PCDHGB5: variants seen among roughly 807,000 people sequenced by gnomAD.
PCDHGB5 encodes protocadherin gamma subfamily B, 5.
A neutral mutation model predicts 62.9 loss-of-function variants in PCDHGB5; 48 were observed. The observed-to-expected ratio is 0.76, with a 90% confidence interval of 0.61 to 0.97. The LOEUF is 0.97. PCDHGB5 is among the 50% of genes least tolerant of loss of function. The pLI is 0.00. For missense variants in PCDHGB5, 1,118 were observed against 1,198.6 expected (o/e 0.93, Z 0.99); for synonymous variants, 474 against 511.2 (o/e 0.93, Z 0.98).
intron 1 of PCDHGB5, chr5:141,413,675 G>C (rs773300658): frequency 6.2e-7 from 1 of 1,613,826 alleles, no homozygotes; most frequent in Non-Finnish European, 8.5e-7. Context: ...CCGGATGTGG[G>C]CGTGAACTCC....
At position 141,399,913 on chromosome 5, in the gene PCDHGB5, C is replaced by T; in HGVS notation, c.1786C>T (p.His596Tyr). The T allele has an allele frequency of 2.5e-6, 4 of 1,612,372 alleles. No individual in the cohort carries two copies. The highest frequency in any genetic ancestry group is 3.4e-6 in the Non-Finnish European group (4 of 1,179,738). ...AGTGGCCGTGGACGCAGACTCAGGA[C>T]ACAACGCCTGGCTGTCCTACCACGT... The part of the protein sequence containing the change: ...KVVAVDADSG[H>Y]NAWLSYHVLQ... Residue 596 changes from histidine to tyrosine, a missense_variant, in exon 1 of 4, where the codon CAC becomes TAC. His to Tyr is a moderately conservative substitution (Grantham distance 83, BLOSUM62 2). Coordinates refer to ENST00000617380, the MANE Select transcript of PCDHGB5 (RefSeq NM_018925.3).
At position 141,491,121 on chromosome 5, in the gene PCDHGB5, G is replaced by T. The variant is rs1176877834; in HGVS notation, c.2398-3686G>T. On this transcript the variant is annotated intron_variant, in intron 1 of 3. Transcript: ENST00000617380. The surrounding 1 kb of genome is among the most constrained non-coding windows in gnomAD (Gnocchi z 6.9). ...TCCTCGTGTCTACACACACTGGTGA[G>T]GTGCGCACAGCCCGGGCCTTACTGG... 5 of 1,614,200 alleles carry T rather than the reference G, an allele frequency of 3.1e-6. No individual in the cohort carries two copies. In the South Asian group the frequency reaches 5.5e-5, roughly 18 times the overall value.
At position 141,419,228 on chromosome 5, in the gene PCDHGB5, T is replaced by G. The variant is rs761014077; in HGVS notation, c.2397+18704T>G. The G allele has an allele frequency of 2.5e-6, 4 of 1,613,874 alleles. No individual in the cohort carries two copies. The East Asian group carries it at 8.9e-5, about 36-fold the overall frequency. On this transcript the variant is annotated intron_variant, in intron 1 of 3. Coordinates refer to ENST00000617380, the MANE Select transcript of PCDHGB5 (RefSeq NM_018925.3). Reference sequence around the variant, plus strand: ...CGCGCCGGTTTTCGGACAGTCAGCCTACCTGGTCCACGTGCCAGAAAACAA... The same window carrying G: ...CGCGCCGGTTTTCGGACAGTCAGCCGACCTGGTCCACGTGCCAGAAAACAA...
rs779872602 is a variant in PCDHGB5 at position 141,398,813 on chromosome 5, G to A, written c.686G>A (p.Arg229Gln). 11 of 1,613,838 alleles carry A rather than the reference G, an allele frequency of 6.8e-6. No homozygotes were observed. Among genetic ancestry groups the A allele is most frequent in the Admixed American group, 3.3e-5 (2 of 60,006 alleles). ...CCCCTAAGCGGCACCACTGAGCTCC[G>A]GATCCAGGTAACCGACGCCAATGAT... ...HPPLSGTTEL[R>Q]IQVTDANDNP... The change falls in exon 1 of 4, where the codon CGG becomes CAG. Residue 229 changes from arginine to glutamine, a missense_variant. Around this residue, in one of 2 missense-constraint regions of PCDHGB5, gnomAD observed 1,034 missense variants for 1,029.1 expected, o/e 1.00. Coordinates refer to ENST00000617380, the MANE Select transcript of PCDHGB5 (RefSeq NM_018925.3).
intron 1 of PCDHGB5, among the ~76,000 whole-genome samples, chr5:141,450,335 T>A (rs1054670037): frequency 1.3e-5 from 2 of 152,158 alleles, no homozygotes; most frequent in African/African-American, 4.8e-5. Context: ...CTCTTTAATC[T>A]ACTTTAATCT....
chr5:141,399,631 T>A lies in PCDHGB5; in HGVS notation c.1504T>A (p.Ser502Thr), dbSNP rs1251761184. The change falls in exon 1 of 4, where the codon TCC becomes ACC. Residue 502 changes from serine (S) to threonine (T), a missense_variant. Ser to Thr is a moderately conservative substitution (Grantham distance 58). This residue lies in a region of PCDHGB5 where 1,034 missense variants were observed against 1,029.1 expected (regional missense o/e 1.00). Transcript: ENST00000617380. ...GCCTCTGGCACTGGCCTCTTACGTGTCCATGAGCGCGCAAAGTGGGGTGGT... is the reference window on the plus strand; with the variant it reads ...GCCTCTGGCACTGGCCTCTTACGTGACCATGAGCGCGCAAAGTGGGGTGGT... The part of the protein sequence containing the change: ...LEPLALASYV[S>T]MSAQSGVVFA... 31 of 1,613,746 alleles carry A rather than the reference T, an allele frequency of 1.9e-5. No homozygotes were observed. The highest frequency in any genetic ancestry group is 2.4e-5 in the Non-Finnish European group (28 of 1,179,892).
At chr5:141,478,936 G>A in intron 1 of PCDHGB5, 1 of 633,220 alleles carries the variant, frequency 1.6e-6, no homozygotes, top group African/African-American at 1.9e-5. Context: ...GCAGCTTCTA[G>A]GAATACAAAA....
chr5:141,451,797 C>T (rs1207473455), intron 1 of PCDHGB5, among the ~76,000 whole-genome samples: 1 of 152,006 alleles, frequency 6.6e-6, no homozygotes, highest in African/African-American at 2.4e-5. Context: ...CAGAGAATTG[C>T]TTGAACCCAG....
In PCDHGB5 at chr5:141,431,304, T is replaced by G. The variant is rs749116196; in HGVS notation, c.2397+30780T>G. The G allele has an allele frequency of 7.4e-6, 12 of 1,614,104 alleles. No individual in the cohort carries two copies. Among genetic ancestry groups the G allele is most frequent in the Non-Finnish European group, 9.3e-6 (11 of 1,180,030 alleles). On this transcript the variant is annotated intron_variant, in intron 1 of 3. Coordinates refer to ENST00000617380, the MANE Select transcript of PCDHGB5 (RefSeq NM_018925.3). The surrounding 1 kb of genome is among the most constrained non-coding windows in gnomAD (Gnocchi z 4.8). ...CCGAACACTCACTTCTCCCTCATCGTGCAAAATGGAGCCGACGGTAGTAAG... is the reference window on the plus strand; with the variant it reads ...CCGAACACTCACTTCTCCCTCATCGGGCAAAATGGAGCCGACGGTAGTAAG...
At position 141,419,770 on chromosome 5, in the gene PCDHGB5, G is replaced by A. The variant is rs1018272442; in HGVS notation, c.2397+19246G>A. On this transcript the variant is annotated intron_variant, in intron 1 of 3. Coordinates refer to ENST00000617380, the MANE Select transcript of PCDHGB5 (RefSeq NM_018925.3). ...TGCGTGCTTTGGGTGACAAGGACTC[G>A]GTCCGCCAGCGCCTGCTAGTCGCTG... 3.7e-6 allele frequency: 6 copies of A among 1,614,006 alleles called. No individual in the cohort carries two copies. The Admixed American group carries it at 6.7e-5, about 18-fold the overall frequency.
chr5:141,410,785 G>T, intron 1 of PCDHGB5: 1 of 804,598 alleles, frequency 1.2e-6, no homozygotes, highest in Non-Finnish European at 1.8e-6. Context: ...TATGTATTTG[G>T]TTCATAAGTT....
In PCDHGB5 at chr5:141,399,850, C is replaced by T. The variant is rs768366007; in HGVS notation, c.1723C>T (p.Pro575Ser). The change falls in exon 1 of 4, where the codon CCG becomes TCG. Residue 575 changes from proline (P) to serine (S), a missense_variant. Coordinates refer to ENST00000617380, the MANE Select transcript of PCDHGB5 (RefSeq NM_018925.3). ...CGGCTCTGCGCTCTTCGATATGGTG[C>T]CGCGCGCTGCAGAGCCCGGCTACCT... ...PDGSALFDMV[P>S]RAAEPGYLVT... is the part of the protein sequence containing the mutation. 6.2e-7 allele frequency: 1 copy of T among 1,612,946 alleles called. No individual in the cohort carries two copies. The highest frequency in any genetic ancestry group is 8.5e-7 in the Non-Finnish European group (1 of 1,179,790).
intron 1 of PCDHGB5, chr5:141,404,571 C>T: frequency 6.2e-7 from 1 of 1,613,720 alleles, no homozygotes; most frequent in Non-Finnish European, 8.5e-7. Flanking sequence ...AGTGGAAGCC[C>T]ACCACTTAGC....
In PCDHGB5 at chr5:141,476,210, G is replaced by A; in HGVS notation, c.2398-18597G>A. ...TGGTGCCTTGAACAAGGCTTCCACG[G>A]TCATTCACTATGAGATCCCGGAGGA... is the stretch of plus-strand genomic sequence containing the variant. On this transcript the variant is annotated intron_variant, in intron 1 of 3. Coordinates refer to ENST00000617380, the MANE Select transcript of PCDHGB5 (RefSeq NM_018925.3). The surrounding 1 kb of genome is among the most constrained non-coding windows in gnomAD (Gnocchi z 7.6). 6.2e-7 allele frequency: 1 copy of A among 1,614,012 alleles called. No individual in the cohort carries two copies. Among genetic ancestry groups the A allele is most frequent in the Non-Finnish European group, 8.5e-7 (1 of 1,180,012 alleles).
intron 1 of PCDHGB5, among the ~76,000 whole-genome samples, chr5:141,483,294 T>G (rs1392406131): frequency 2.0e-5 from 3 of 152,100 alleles, no homozygotes; most frequent in Non-Finnish European, 4.4e-5. Flanking sequence ...CAGTCATAAG[T>G]GAAGGGACTG....
At chr5:141,453,490 G>T (rs921556476) in intron 1 of PCDHGB5, among the ~76,000 whole-genome samples, 3 of 151,922 alleles carry the variant, frequency 2.0e-5, no homozygotes, top group African/African-American at 7.3e-5. Context: ...TTAAAAAAAG[G>T]TGTACTCAGA....
At chr5:141,414,118 G>C (rs559064215) in intron 1 of PCDHGB5, 1 of 1,592,490 alleles carries the variant, frequency 6.3e-7, no homozygotes, top group Admixed American at 1.8e-5. Flanking sequence ...AGATTATGAA[G>C]AAACCGGTTT....
intron 1 of PCDHGB5, chr5:141,416,273 T>C (rs891505781): frequency 8.5e-5 from 13 of 152,298 alleles, no homozygotes; most frequent in African/African-American, 3.1e-4. Flanking sequence ...CCTTTTTGCA[T>C]ACAATTCTCT....
Position 141,491,420 on chromosome 5 carries a change from G to A in PCDHGB5, c.2398-3387G>A, listed in dbSNP as rs2099713954. 1.2e-6 allele frequency: 2 copies of A among 1,614,004 alleles called. No homozygotes were observed. The highest frequency in any genetic ancestry group is 2.2e-5 in the South Asian group (2 of 91,090). On this transcript the variant is annotated intron_variant, in intron 1 of 3. Transcript: ENST00000617380. This position sits in a 1 kb window ranked among gnomAD's most constrained non-coding sequence, Gnocchi z 6.9. ...GGAAACGCAGACGGGGACGGGGGTG[G>A]AGGGCAGTGCTGCAGGCGCCAGGAC...
Sources: gnomAD v4.1 joint callset for allele counts (sites outside exome capture counted in the v4.1 genomes callset) on GRCh38, gnomAD v4.1.1 for gene constraint, gnomAD v4.1.1 regional missense constraint, Gnocchi (gnomAD v3.1) non-coding constraint, MANE v1.5 for transcripts, NCBI Gene and HGNC (gene_info 2026-07-23, HGNC 2026-07-21) for gene names.